Variants in MLLT3 observed in about 807,000 individuals in gnomAD.
MLLT3 encodes the protein protein AF-9.
Under a neutral mutation model 53.2 loss-of-function variants are expected in MLLT3, and 4 were observed. The ratio of observed to expected loss-of-function variants is 0.08; its 90% confidence interval spans 0.04 to 0.17. The LOEUF (loss-of-function observed/expected upper bound fraction) is 0.17, where lower values mean the gene tolerates loss of function less well. Among genes scored for constraint, MLLT3 ranks in the 10% least tolerant of loss-of-function variants. The pLI, the probability that MLLT3 is intolerant of heterozygous loss-of-function variation, is 1.00. For synonymous variants in MLLT3, 283 were observed against 230.6 expected, an observed-to-expected ratio of 1.23 and a Z score of -2.06; for missense variants, 569 against 684.0, an observed-to-expected ratio of 0.83 and a Z score of 1.87.
At chr9:20,456,839 ATTC>A (rs1487234097) in intron 2 of MLLT3, 53 bp from the exon 3 acceptor site, 3 of 1,323,780 alleles carry the variant, frequency 2.3e-6, no homozygotes, top group African/African-American at 3.1e-5. Context: ...ACAAAAAGAC[ATTC>A]TTCTTTTAAA....
At chr9:20,399,098 T>C (rs989505003) in intron 5 of MLLT3, among the ~76,000 whole-genome samples, 1 of 152,128 alleles carries the variant, frequency 6.6e-6, no homozygotes, top group African/African-American at 2.4e-5. Context: ...CTTATTTGCA[T>C]AAGGGTGGCT....
intron 5 of MLLT3, among the ~76,000 whole-genome samples, chr9:20,388,057 G>A (rs1256049940): frequency 6.6e-6 from 1 of 152,110 alleles, no homozygotes; most frequent in African/African-American, 2.4e-5. Context: ...ATGAAGATCA[G>A]TATTTTGATT....
intron 2 of MLLT3, among the ~76,000 whole-genome samples, chr9:20,595,606 C>T (rs1281471474): frequency 1.3e-5 from 2 of 152,028 alleles, no homozygotes; most frequent in South Asian, 2.1e-4. Flanking sequence ...CACCAATTTG[C>T]AACCCCAATA....
At chr9:20,382,603 A>C (rs987472840) in intron 5 of MLLT3, 1 of 151,918 alleles carries the variant, frequency 6.6e-6, no homozygotes, top group South Asian at 2.1e-4. Context: ...TACACAGGCT[A>C]ATCAGAGGCA....
intron 5 of MLLT3, among the ~76,000 whole-genome samples, chr9:20,409,445 G>GTT (rs1410523737): frequency 6.6e-6 from 1 of 152,084 alleles, no homozygotes; most frequent in African/African-American, 2.4e-5. Flanking sequence ...GTTTAAGCAG[G>GTT]TTAATAAAAA....
intron 3 of MLLT3, among the ~76,000 whole-genome samples, chr9:20,452,578 A>G (rs1823865795): frequency 6.6e-6 from 1 of 152,196 alleles, no homozygotes. Flanking sequence ...ATTCTTCAAG[A>G]CAGAGTTGTA....
intron 2 of MLLT3, among the ~76,000 whole-genome samples, chr9:20,578,765 C>T (rs948556067): frequency 2.6e-5 from 4 of 151,784 alleles, no homozygotes; most frequent in African/African-American, 9.7e-5. Flanking sequence ...GTATATGACG[C>T]TAACATTTTC....
intron 2 of MLLT3, among the ~76,000 whole-genome samples, chr9:20,595,941 C>T (rs1161229382): frequency 6.6e-6 from 1 of 152,116 alleles, no homozygotes; most frequent in African/African-American, 2.4e-5. Flanking sequence ...TCAAATGTGG[C>T]AAGTGACTGA....
At chr9:20,565,980 ATATTTATT>A (rs1176324894) in intron 2 of MLLT3, among the ~76,000 whole-genome samples, 12 of 104,282 alleles carry the variant, frequency 1.2e-4, no homozygotes, top group African/African-American at 1.9e-4. Flanking sequence ...ATATATATAT[ATATTTATT>A]TATATATTTA....
At chr9:20,425,283 T>C (rs147867668) in intron 4 of MLLT3, among the ~76,000 whole-genome samples, 31 of 152,260 alleles carry the variant, frequency 2.0e-4, no homozygotes, top group African/African-American at 7.0e-4. Flanking sequence ...AATAGCAGCA[T>C]AGCATATAGT....
At chr9:20,483,415 A>G (rs1484428154) in intron 2 of MLLT3, among the ~76,000 whole-genome samples, 1 of 148,648 alleles carries the variant, frequency 6.7e-6, no homozygotes, top group African/African-American at 2.5e-5. Context: ...TTTTTTTTTT[A>G]ACTTTAAGGA....
At chr9:20,509,026 C>T (rs1243680653) in intron 2 of MLLT3, among the ~76,000 whole-genome samples, 1 of 152,198 alleles carries the variant, frequency 6.6e-6, no homozygotes, top group African/African-American at 2.4e-5. Flanking sequence ...CAGTGGGAAT[C>T]AGAAGCACAA....
chr9:20,387,641 T>C (rs775891307), intron 5 of MLLT3, among the ~76,000 whole-genome samples: 3 of 152,188 alleles, frequency 2.0e-5, no homozygotes, highest in African/African-American at 7.2e-5. Flanking sequence ...TGATATATTA[T>C]CCTGAAGAGT....
intron 2 of MLLT3, among the ~76,000 whole-genome samples, chr9:20,535,574 T>A (rs1818460851): frequency 6.6e-6 from 1 of 152,120 alleles, no homozygotes; most frequent in African/African-American, 2.4e-5. Context: ...ATTTGAGTAA[T>A]GAGAGACAAA....
At position 20,343,633 on chromosome 9, in the gene MLLT3, A is replaced by G; in HGVS notation, c.*2810T>C. On this transcript the variant is annotated 3_prime_UTR_variant, in exon 11 of 11. Transcript: ENST00000380338. ...CATATATTTTTTCCCCTGGCTGATC[A>G]CTGAGGAAAAATTTTTTAAAAGTTT... 1 of 228,296 alleles carries G rather than the reference A, an allele frequency of 4.4e-6. No homozygotes were observed. The highest frequency in any genetic ancestry group is 6.2e-5 in the East Asian group (1 of 16,032). 14.1% of individuals were successfully genotyped at this position (228,296 alleles called of 1,614,324 possible). A position where few individuals can be genotyped will look rare whatever the true frequency, so the allele number is the denominator to read the frequency against.
At chr9:20,508,341 T>A (rs994156854) in intron 2 of MLLT3, among the ~76,000 whole-genome samples, 2 of 152,174 alleles carry the variant, frequency 1.3e-5, no homozygotes, top group Admixed American at 1.3e-4. Context: ...ACACTCTGCA[T>A]CATGTATCCT....
intron 2 of MLLT3, among the ~76,000 whole-genome samples, chr9:20,497,007 T>C (rs967306569): frequency 6.6e-6 from 1 of 152,252 alleles, no homozygotes; most frequent in Non-Finnish European, 1.5e-5. Flanking sequence ...ATTTAATTTC[T>C]ATAATAAATT....
Position 20,622,233 on chromosome 9 carries a change from G to C in MLLT3, c.12+12C>G. 6.2e-7 allele frequency: 1 copy of C among 1,603,202 alleles called. No homozygotes were observed. The highest frequency in any genetic ancestry group is 8.5e-7 in the Non-Finnish European group (1 of 1,174,012). On this transcript the variant is annotated intron_variant, in intron 1 of 10. Transcript: ENST00000380338. The stretch of plus-strand genomic sequence containing the variant: ...GGGGAGGGCTTTTATTATTATTTTT[G>C]CGCGTACTTACCGAGCTAGCCATGC...
At chr9:20,503,125 A>G (rs1825290580) in intron 2 of MLLT3, among the ~76,000 whole-genome samples, 1 of 152,202 alleles carries the variant, frequency 6.6e-6, no homozygotes, top group African/African-American at 2.4e-5. Context: ...TGTCCACACT[A>G]CCCAAAGTGA....
Sources: gnomAD v4.1 joint callset for allele counts (sites outside exome capture counted in the v4.1 genomes callset) on GRCh38, gnomAD v4.1.1 for gene constraint, MANE v1.5 for transcripts, NCBI Gene and HGNC (gene_info 2026-07-23, HGNC 2026-07-21) for gene names.